Variants in DNAJB6 observed in about 807,000 individuals in gnomAD.
DNAJB6 encodes the protein dnaJ homolog subfamily B member 6.
DNAJB6 carries 16 observed loss-of-function variants against 42.7 expected under a neutral mutation model. The observed-to-expected ratio is 0.37, with a 90% confidence interval of 0.25 to 0.57. The LOEUF is 0.57. Ranked by LOEUF, DNAJB6 falls within the 20% of genes least tolerant of loss-of-function variation. The pLI, the probability that DNAJB6 is intolerant of heterozygous loss-of-function variation, is 0.74. For missense variants in DNAJB6, 347 were observed against 416.8 expected, an observed-to-expected ratio of 0.83 and a Z score of 1.46; for synonymous variants, 170 against 163.5, an observed-to-expected ratio of 1.04 and a Z score of -0.30.
intron 1 of DNAJB6, among the ~76,000 whole-genome samples, chr7:157,341,773 G>A (rs1798400480): frequency 6.6e-6 from 1 of 152,192 alleles, no homozygotes; most frequent in South Asian, 2.1e-4. Context: ...GTTTGTGTAT[G>A]TCCTGATGAC....
chr7:157,349,134 G>T (rs551719854), intron 1 of DNAJB6, among the ~76,000 whole-genome samples: 1 of 151,768 alleles, frequency 6.6e-6, no homozygotes, highest in Non-Finnish European at 1.5e-5. Flanking sequence ...TTCCAGCCTC[G>T]GCCTCCCAGT....
intron 1 of DNAJB6, among the ~76,000 whole-genome samples, chr7:157,346,386 A>G (rs1798690064): frequency 6.6e-6 from 1 of 150,608 alleles, no homozygotes; most frequent in South Asian, 2.1e-4. Flanking sequence ...TCGTCCAAGT[A>G]TGTATCAAAT....
chr7:157,402,770 C>G (rs1305321807), intron 8 of DNAJB6, among the ~76,000 whole-genome samples: 1 of 152,318 alleles, frequency 6.6e-6, no homozygotes, highest in Admixed American at 6.5e-5. Flanking sequence ...AAGTAAGCCA[C>G]TCTTTGGCCC....
intron 1 of DNAJB6, 133 bp from the exon 2 acceptor site, chr7:157,358,414 A>T: frequency 1.6e-6 from 1 of 616,084 alleles, no homozygotes; most frequent in Non-Finnish European, 2.9e-6. Context: ...GGTTAGCTCT[A>T]GTGGAAGTTC....
intron 8 of DNAJB6, among the ~76,000 whole-genome samples, chr7:157,389,672 C>CT (rs2117113774): frequency 6.6e-6 from 1 of 152,252 alleles, no homozygotes; most frequent in South Asian, 2.1e-4. Flanking sequence ...AGACCGAAGT[C>CT]TGTCATTTGG....
chr7:157,357,288 GTCCTTCCTTCCTTCCT>G lies in DNAJB6; in HGVS notation c.-26-1238_-26-1223del, dbSNP rs71717756. ...CGTCCTTCCTTCCGTCCTTCCTTCC[GTCCTTCCTTCCTTCCT>G]TCCTTCCTTCCTTCCTTCCTCGTTC... On this transcript the variant is annotated intron_variant, in intron 1 of 9. Coordinates refer to ENST00000262177, the MANE Select transcript of DNAJB6 (RefSeq NM_058246.4). 8.9e-3 allele frequency among the ~76,000 whole-genome samples: 287 copies of G among 32,184 alleles called. 66 individuals are homozygous for G. Among genetic ancestry groups the G allele is most frequent in the African/African-American group, 0.023 (268 of 11,482 alleles). The allele number at this position is 32,184 out of a possible 152,430, so 21.1% of individuals were successfully genotyped here.
intron 5 of DNAJB6, among the ~76,000 whole-genome samples, chr7:157,377,361 C>T (rs1257065121): frequency 6.6e-6 from 1 of 152,190 alleles, no homozygotes; most frequent in Non-Finnish European, 1.5e-5. Flanking sequence ...GAGTTAAATC[C>T]TAATGCTGTT....
At chr7:157,405,860 C>T (rs1795749971) in intron 8 of DNAJB6, among the ~76,000 whole-genome samples, 1 of 152,236 alleles carries the variant, frequency 6.6e-6, no homozygotes. Context: ...TGTGACTGTT[C>T]TCCAGCCACT....
intron 9 of DNAJB6, 108 bp downstream of exon 9, chr7:157,410,109 G>A: frequency 7.0e-7 from 1 of 1,419,602 alleles, no homozygotes; most frequent in Non-Finnish European, 9.2e-7. Flanking sequence ...TCTGACCTGA[G>A]CGGGCGTGGG....
intron 5 of DNAJB6, among the ~76,000 whole-genome samples, chr7:157,368,330 A>G (rs73744699): frequency 1.4e-3 from 211 of 152,292 alleles, no homozygotes; most frequent in African/African-American, 4.3e-3. Context: ...TGAACAACCA[A>G]TTGGTGTGTG....
At chr7:157,382,576 T>C in intron 6 of DNAJB6, 199 bp downstream of exon 6, 1 of 398,962 alleles carries the variant, frequency 2.5e-6, no homozygotes, top group Non-Finnish European at 4.3e-6. Context: ...AATGTCGTGC[T>C]TGGAAATCTT....
intron 1 of DNAJB6, chr7:157,337,464 C>T: frequency 6.6e-6 from 1 of 150,536 alleles, no homozygotes; most frequent in South Asian, 1.9e-4. Flanking sequence ...CTGGGAGCGG[C>T]CGGCTGGGGC....
At chr7:157,367,557 G>GT in intron 5 of DNAJB6, 74 bp downstream of exon 5, 2 of 937,162 alleles carry the variant, frequency 2.1e-6, no homozygotes, top group Non-Finnish European at 3.5e-6. Context: ...TGGCCTTTCT[G>GT]TTGAATTAAC....
At chr7:157,394,160 T>A (rs1197658756) in intron 8 of DNAJB6, among the ~76,000 whole-genome samples, 1 of 152,266 alleles carries the variant, frequency 6.6e-6, no homozygotes, top group Non-Finnish European at 1.5e-5. Flanking sequence ...TTAAGAATTG[T>A]TTTTAAGTTC....
At chr7:157,352,372 A>C (rs1799033423) in intron 1 of DNAJB6, among the ~76,000 whole-genome samples, 1 of 152,008 alleles carries the variant, frequency 6.6e-6, no homozygotes, top group Non-Finnish European at 1.5e-5. Flanking sequence ...TTTTTACTCC[A>C]AGTAAGCTAG....
chr7:157,340,998 G>GCGCGCT (rs1554450092), intron 1 of DNAJB6, among the ~76,000 whole-genome samples: 5,277 of 134,946 alleles, frequency 0.039, 123 homozygotes, highest in Admixed American at 0.051. Flanking sequence ...GTGTGTGTGT[G>GCGCGCT]CGCGCGCGCA....
chr7:157,390,423 C>T (rs1801283963), intron 8 of DNAJB6, among the ~76,000 whole-genome samples: 1 of 152,222 alleles, frequency 6.6e-6, no homozygotes, highest in Non-Finnish European at 1.5e-5. Flanking sequence ...CAGGGCAGCG[C>T]TGTCATCCCA....
chr7:157,367,266 T>A, intron 4 of DNAJB6, 107 bp from the exon 5 acceptor site: 1 of 742,150 alleles, frequency 1.3e-6, no homozygotes, highest in Admixed American at 2.1e-5. Context: ...TATGAAATAT[T>A]TTTGTTTTTA....
intron 1 of DNAJB6, among the ~76,000 whole-genome samples, chr7:157,353,586 G>GGTGTGTGTGTGTGTGTGTGTGTGT (rs370854040): frequency 7.9e-5 from 11 of 140,038 alleles, no homozygotes; most frequent in African/African-American, 1.6e-4. Context: ...TCTTGACCGG[G>GGTGTGTGTGTGTGTGTGTGTGTGT]GTGTGTGTGT....
Sources: gnomAD v4.1 joint callset for allele counts (sites outside exome capture counted in the v4.1 genomes callset) on GRCh38, gnomAD v4.1.1 for gene constraint, MANE v1.5 for transcripts, NCBI Gene and HGNC (gene_info 2026-07-23, HGNC 2026-07-21) for gene names.